The following LRRC4C variants were observed in gnomAD, a reference collection of about 807,000 sequenced individuals.
LRRC4C encodes the protein leucine rich repeat containing 4C, also known as leucine-rich repeat-containing protein 4C.
Under a neutral mutation model 33.6 loss-of-function variants are expected in LRRC4C, and 5 were observed. The observed-to-expected ratio is 0.15, with a 90% confidence interval of 0.08 to 0.31. The LOEUF (loss-of-function observed/expected upper bound fraction) is 0.31. Ranked by LOEUF, LRRC4C falls within the 10% of genes least tolerant of loss-of-function variation. The pLI, the probability that LRRC4C is intolerant of heterozygous loss-of-function variation, is 1.00. For missense variants in LRRC4C, 560 were observed against 796.7 expected (o/e 0.70, Z 3.58); for synonymous variants, 329 against 302.0 (o/e 1.09, Z -0.93).
At chr11:41,260,768 C>T (rs1447959852) in intron 1 of LRRC4C, among the ~76,000 whole-genome samples, 2 of 151,860 alleles carry the variant, frequency 1.3e-5, no homozygotes, top group Non-Finnish European at 2.9e-5. Context: ...AAAAGTTGAA[C>T]CCAAACCTAG....
chr11:41,166,991 T>G (rs1210981356), intron 1 of LRRC4C, among the ~76,000 whole-genome samples: 1 of 152,208 alleles, frequency 6.6e-6, no homozygotes, highest in Non-Finnish European at 1.5e-5. Context: ...CTTATTGGCA[T>G]TAAATACTGA....
rs190854690 is a variant in LRRC4C, at chr11:41,266,968, T to C, written c.-496+192463A>G. 5.3e-5 allele frequency among the ~76,000 whole-genome samples: 8 copies of C among 152,282 alleles called. No individual in the cohort carries two copies. The East Asian group carries it at 1.4e-3, about 26-fold the overall frequency. On this transcript the variant is annotated intron_variant, in intron 1 of 6. Transcript: ENST00000528697. ...TTCTGCACAACCGTGTTAAGTGCTA[T>C]ACAAGGCAATATACAAAACTGTCCA...
chr11:40,664,829 GT>G (rs1264256644), intron 2 of LRRC4C, among the ~76,000 whole-genome samples: 3 of 152,000 alleles, frequency 2.0e-5, no homozygotes, highest in South Asian at 2.1e-4. Context: ...CAACACGCAT[GT>G]TTTTTACATA....
chr11:41,006,238 ATTC>A (rs1254748160), intron 1 of LRRC4C, among the ~76,000 whole-genome samples: 6 of 152,174 alleles, frequency 3.9e-5, no homozygotes, highest in Non-Finnish European at 5.9e-5. Context: ...AAACAGCTAC[ATTC>A]TTCTGATTGC....
At chr11:41,153,754 C>T (rs987981503) in intron 1 of LRRC4C, among the ~76,000 whole-genome samples, 2 of 152,100 alleles carry the variant, frequency 1.3e-5, no homozygotes, top group African/African-American at 4.8e-5. Context: ...TAAATTATGG[C>T]TACTAGAATA....
At chr11:40,301,865 AG>A (rs1461801982) in intron 4 of LRRC4C, among the ~76,000 whole-genome samples, 7 of 152,346 alleles carry the variant, frequency 4.6e-5, no homozygotes, top group African/African-American at 1.4e-4. Context: ...CACACTTTTA[AG>A]AGACAAAAAT....
rs116761050 is a variant in LRRC4C, at chr11:41,301,176, C to T, written c.-496+158255G>A. ...GCTGTGCTTTAGTAAGGATATGCAC[C>T]TCTGCTCCTGTGAGTTGAAGTGGAT... On this transcript the variant is annotated intron_variant, in intron 1 of 6. Coordinates refer to ENST00000528697, the MANE Select transcript of LRRC4C (RefSeq NM_001258419.2). Among the ~76,000 whole-genome samples, 1,274 of 152,240 alleles carry T rather than the reference C, an allele frequency of 8.4e-3. 17 individuals are homozygous for T. Among genetic ancestry groups the T allele is most frequent in the African/African-American group, 0.029 (1,219 of 41,548 alleles).
At position 40,884,269 on chromosome 11, in the gene LRRC4C, T is replaced by G. The variant is rs575578768; in HGVS notation, c.-407+49366A>C. Among the ~76,000 whole-genome samples the G allele has an allele frequency of 4.2e-3, 639 of 152,262 alleles. 3 individuals are homozygous for G. Among genetic ancestry groups the G allele is most frequent in the Non-Finnish European group, 7.7e-3 (524 of 68,006 alleles). Reference sequence around the variant, plus strand: ...CATCCTTTTTTATGGACGCATAGTATTCCATGGTGTATATGTGCTACATTT... The same window carrying G: ...CATCCTTTTTTATGGACGCATAGTAGTCCATGGTGTATATGTGCTACATTT... On this transcript the variant is annotated intron_variant, in intron 2 of 6. Transcript: ENST00000528697.
intron 1 of LRRC4C, among the ~76,000 whole-genome samples, chr11:41,432,525 T>C (rs1389034302): frequency 2.0e-5 from 3 of 151,690 alleles, no homozygotes; most frequent in African/African-American, 7.3e-5. Context: ...TAAAAGAATA[T>C]TGTAGGTATC....
chr11:41,271,633 T>C (rs1565535845), intron 1 of LRRC4C, among the ~76,000 whole-genome samples: 1 of 152,110 alleles, frequency 6.6e-6, no homozygotes, highest in South Asian at 2.1e-4. Flanking sequence ...CAAGTATGTA[T>C]CAAAATAAAA....
chr11:40,841,267 G>T (rs939170566), intron 2 of LRRC4C, among the ~76,000 whole-genome samples: 4 of 152,178 alleles, frequency 2.6e-5, no homozygotes, highest in Non-Finnish European at 4.4e-5. Flanking sequence ...TTCAGTTTAT[G>T]TAGTTTCTTA....
chr11:41,026,518 G>A (rs1436030022), intron 1 of LRRC4C, among the ~76,000 whole-genome samples: 4 of 151,490 alleles, frequency 2.6e-5, no homozygotes, highest in Non-Finnish European at 4.4e-5. Flanking sequence ...CAGTGGCAGA[G>A]TTTGCAGATT....
intron 1 of LRRC4C, among the ~76,000 whole-genome samples, chr11:41,177,544 C>T (rs1005487834): frequency 6.6e-6 from 1 of 152,156 alleles, no homozygotes; most frequent in African/African-American, 2.4e-5. Context: ...GTGCTCCTCC[C>T]TCTCTACCTT....
chr11:40,652,392 G>A (rs548116155), intron 2 of LRRC4C, among the ~76,000 whole-genome samples: 1 of 152,270 alleles, frequency 6.6e-6, no homozygotes, highest in Admixed American at 6.5e-5. Flanking sequence ...CTAAATTCAG[G>A]AAGGAAATAG....
chr11:40,219,091 T>C (rs903478383), intron 5 of LRRC4C, among the ~76,000 whole-genome samples: 1 of 152,216 alleles, frequency 6.6e-6, no homozygotes, highest in Non-Finnish European at 1.5e-5. Context: ...CACTCTGTGC[T>C]TTTATAACTA....
chr11:40,122,952 TACAC>T (rs371461809), intron 6 of LRRC4C, among the ~76,000 whole-genome samples: 64 of 140,400 alleles, frequency 4.6e-4, no homozygotes, highest in Non-Finnish European at 7.9e-4. Context: ...TATATATTTA[TACAC>T]ACACACACAC....
chr11:40,192,141 T>A (rs925082133), intron 5 of LRRC4C, among the ~76,000 whole-genome samples: 1 of 152,032 alleles, frequency 6.6e-6, no homozygotes, highest in African/African-American at 2.4e-5. Context: ...ATTTCAAGGA[T>A]AATAAAATAG....
chr11:40,521,761 T>C (rs1456403473), intron 3 of LRRC4C, among the ~76,000 whole-genome samples: 1 of 151,872 alleles, frequency 6.6e-6, no homozygotes, highest in African/African-American at 2.4e-5. Context: ...CCCAGCTACT[T>C]GGGAGGTTGA....
At chr11:41,152,541 T>C (rs1944045612) in intron 1 of LRRC4C, among the ~76,000 whole-genome samples, 1 of 152,194 alleles carries the variant, frequency 6.6e-6, no homozygotes, top group South Asian at 2.1e-4. Context: ...TGCAGTTTTA[T>C]GAACCCAGGC....
Sources: gnomAD v4.1 joint callset for allele counts (sites outside exome capture counted in the v4.1 genomes callset) on GRCh38, gnomAD v4.1.1 for gene constraint, MANE v1.5 for transcripts, NCBI Gene and HGNC (gene_info 2026-07-23, HGNC 2026-07-21) for gene names.